Variants in TENT4B observed in about 807,000 individuals in gnomAD.
TENT4B encodes terminal nucleotidyltransferase 4B.
In TENT4B, 10 loss-of-function variants were observed where a neutral mutation model predicts 75.0. The observed-to-expected ratio is 0.13, with a 90% CI of 0.08 to 0.23. The LOEUF (loss-of-function observed/expected upper bound fraction) is 0.23. Ranked by LOEUF, TENT4B falls within the 10% of genes least tolerant of loss-of-function variation. The pLI, the probability that TENT4B is intolerant of heterozygous loss-of-function variation, is 1.00. For missense variants in TENT4B, 579 were observed against 893.8 expected, an observed-to-expected ratio of 0.65 and a Z score of 4.49; for synonymous variants, 350 against 357.7, an observed-to-expected ratio of 0.98 and a Z score of 0.24.
intron 1 of TENT4B, among the ~76,000 whole-genome samples, chr16:50,172,423 A>G (rs963831051): frequency 6.6e-6 from 1 of 152,098 alleles, no homozygotes; most frequent in East Asian, 1.9e-4. Flanking sequence ...TGGAGTATGC[A>G]TAGTTCTTGG....
rs117249433 is a variant in TENT4B at position 50,190,628 on chromosome 16, G to A, written c.639-20695G>A. ...GTTTCAATACTTTGTTCCTTTTTAT[G>A]TCCATTGTATGGATATGCCACATTT... On this transcript the variant is annotated intron_variant, in intron 1 of 11. Transcript: ENST00000561678. Among the ~76,000 whole-genome samples, 820 of 152,118 alleles carry A rather than the reference G, an allele frequency of 5.4e-3. 8 individuals are homozygous for A. The highest frequency in any genetic ancestry group is 0.02 in the Middle Eastern group (6 of 294).
chr16:50,178,141 A>G (rs1452683286), intron 1 of TENT4B, among the ~76,000 whole-genome samples: 1 of 80,446 alleles, frequency 1.2e-5, no homozygotes, highest in African/African-American at 3.9e-5. Flanking sequence ...AAGGTGGTCT[A>G]CTTTTTTTTT....
At chr16:50,193,204 C>G (rs937708807) in intron 1 of TENT4B, among the ~76,000 whole-genome samples, 2 of 152,058 alleles carry the variant, frequency 1.3e-5, no homozygotes, top group Non-Finnish European at 2.9e-5. Context: ...GGTGGTGGAA[C>G]TGTCAGATAC....
intron 1 of TENT4B, among the ~76,000 whole-genome samples, chr16:50,170,736 G>T (rs559428462): frequency 6.6e-6 from 1 of 151,846 alleles, no homozygotes; most frequent in Admixed American, 6.6e-5. Flanking sequence ...GCATGATCTC[G>T]GTTCACCACA....
Position 50,230,802 on chromosome 16 carries a change from A to T in TENT4B, c.*1474A>T. 1.0e-6 allele frequency: 1 copy of T among 985,610 alleles called. No homozygotes were observed. The highest frequency in any genetic ancestry group is 1.2e-6 in the Non-Finnish European group (1 of 829,708). The allele number at this position is 985,610 out of a possible 1,614,324, so 61.1% of individuals were successfully genotyped here. On this transcript the variant is annotated 3_prime_UTR_variant, in exon 12 of 12. Transcript: ENST00000561678. The stretch of plus-strand genomic sequence containing the variant: ...AACTCAGTTGGGAATATTTAATATA[A>T]TAGAATGTAAGTGACATTTCTGAAA...
At position 50,233,214 on chromosome 16, in the gene TENT4B, A is replaced by G; in HGVS notation, c.*3886A>G. On this transcript the variant is annotated 3_prime_UTR_variant, in exon 12 of 12. Coordinates refer to ENST00000561678, the MANE Select transcript of TENT4B (RefSeq NM_001365324.3). Reference sequence around the variant, plus strand: ...TAGAGAATGATGTTAACATTCCAGCATTAAAGTGGGAACAAAGATTTATAT... The same window carrying G: ...TAGAGAATGATGTTAACATTCCAGCGTTAAAGTGGGAACAAAGATTTATAT... 3 of 985,254 alleles carry G rather than the reference A, an allele frequency of 3.0e-6. No individual in the cohort carries two copies. The highest frequency in any genetic ancestry group is 3.6e-6 in the Non-Finnish European group (3 of 829,746). The allele number at this position is 985,254 out of a possible 1,614,324, so 61.0% of individuals were successfully genotyped here.
chr16:50,153,050 A>G, upstream of TENT4B: 1 of 1,487,856 alleles, frequency 6.7e-7, no homozygotes, highest in Middle Eastern at 1.8e-4. Flanking sequence ...GGAGCACTCC[A>G]CAGATGGCGC....
chr16:50,223,422 G>T (rs2031911766), intron 7 of TENT4B, 35 bp downstream of exon 7: 1 of 1,438,964 alleles, frequency 6.9e-7, no homozygotes, highest in African/African-American at 1.4e-5. Context: ...GGCATTCAAA[G>T]AGAGGGCACT....
Position 50,182,474 on chromosome 16 carries a change from G to A in TENT4B, c.638+28215G>A, listed in dbSNP as rs545551812. On this transcript the variant is annotated intron_variant, in intron 1 of 11. Transcript: ENST00000561678. ...ATCAACTATTTCTTAGTCCCCTTAA[G>A]CTGATAGTATTGTGTCATTGTAAAA... Among the ~76,000 whole-genome samples the A allele has an allele frequency of 1.6e-4, 24 of 152,210 alleles. No homozygotes were observed. In the South Asian group the frequency reaches 3.7e-3, roughly 24 times the overall value.
chr16:50,178,398 C>T (rs1044842159), intron 1 of TENT4B, among the ~76,000 whole-genome samples: 2 of 151,464 alleles, frequency 1.3e-5, no homozygotes, highest in Non-Finnish European at 1.5e-5. Context: ...GAGCCATGAT[C>T]GCACCACTGT....
chr16:50,209,368 C>T (rs896300594), intron 1 of TENT4B, among the ~76,000 whole-genome samples: 2 of 152,182 alleles, frequency 1.3e-5, no homozygotes, highest in African/African-American at 4.8e-5. Context: ...TATTCCCATT[C>T]AGCTGCTGTC....
intron 10 of TENT4B, among the ~76,000 whole-genome samples, chr16:50,226,414 T>G (rs2032056299): frequency 6.6e-6 from 1 of 152,126 alleles, no homozygotes; most frequent in Non-Finnish European, 1.5e-5. Flanking sequence ...GCTTTCTGGT[T>G]GAATTTTTTG....
At chr16:50,165,473 T>C (rs2150674449) in intron 1 of TENT4B, among the ~76,000 whole-genome samples, 1 of 135,986 alleles carries the variant, frequency 7.4e-6, no homozygotes, top group East Asian at 2.2e-4. Context: ...CCTTTTAAAG[T>C]GTACAGTTCA....
chr16:50,183,743 C>A (rs976498204), intron 1 of TENT4B, among the ~76,000 whole-genome samples: 2 of 152,026 alleles, frequency 1.3e-5, no homozygotes, highest in African/African-American at 4.8e-5. Context: ...GAAGCATCTG[C>A]AAAAGAATTG....
chr16:50,154,760 C>T (rs1335405456), intron 1 of TENT4B, among the ~76,000 whole-genome samples: 1 of 152,084 alleles, frequency 6.6e-6, no homozygotes, highest in Non-Finnish European at 1.5e-5. Context: ...ATAGAAACAT[C>T]CAGAATGCTC....
intron 7 of TENT4B, 21 bp downstream of exon 7, chr16:50,223,408 T>C: frequency 6.4e-7 from 1 of 1,554,240 alleles, no homozygotes; most frequent in African/African-American, 1.4e-5. Context: ...TAGGTAAATT[T>C]GTGGGCATTC....
chr16:50,207,672 T>C (rs907393546), intron 1 of TENT4B, among the ~76,000 whole-genome samples: 1 of 152,190 alleles, frequency 6.6e-6, no homozygotes, highest in Non-Finnish European at 1.5e-5. Flanking sequence ...CAATACCTAC[T>C]CATAAATCAT....
chr16:50,171,421 A>G (rs1303072901), intron 1 of TENT4B, among the ~76,000 whole-genome samples: 2 of 152,040 alleles, frequency 1.3e-5, no homozygotes, highest in Non-Finnish European at 2.9e-5. Context: ...GGGAAAGTGG[A>G]TTAGTGGAGA....
chr16:50,213,417 C>T (rs2031390575), intron 2 of TENT4B, among the ~76,000 whole-genome samples: 1 of 152,202 alleles, frequency 6.6e-6, no homozygotes, highest in Admixed American at 6.5e-5. Flanking sequence ...CCACCGTTCT[C>T]CATGGGTTGA....
Sources: allele counts gnomAD v4.1 joint callset (sites outside exome capture counted in the v4.1 genomes callset), GRCh38; gene constraint gnomAD v4.1.1; transcripts MANE v1.5; gene names NCBI Gene and HGNC (gene_info 2026-07-23, HGNC 2026-07-21).